Variants in ZNF710 observed in about 807,000 individuals in gnomAD.
ZNF710 encodes zinc finger protein 710.
Under a neutral mutation model 50.6 loss-of-function variants are expected in ZNF710, and 13 were observed. The observed-to-expected ratio is 0.26, with a 90% CI of 0.17 to 0.41. ZNF710 has a LOEUF of 0.41. Ranked by LOEUF, ZNF710 falls within the 10% of genes least tolerant of loss-of-function variation. The probability of loss-of-function intolerance (pLI) is 1.00; values close to 1 mark genes in which losing one functional copy is unlikely to be tolerated. For synonymous variants in ZNF710, 383 were observed against 397.0 expected, an observed-to-expected ratio of 0.96 and a Z score of 0.42; for missense variants, 721 against 936.6, an observed-to-expected ratio of 0.77 and a Z score of 3.01.
Position 90,013,911 on chromosome 15 carries a change from C to T in ZNF710, c.-29+12297C>T, listed in dbSNP as rs112271171. Among the ~76,000 whole-genome samples, 18 of 152,268 alleles carry T rather than the reference C, an allele frequency of 1.2e-4. No individual in the cohort carries two copies. In the South Asian group the frequency reaches 1.4e-3, roughly 12 times the overall value. On this transcript the variant is annotated intron_variant, in intron 1 of 4. Coordinates refer to ENST00000268154, the MANE Select transcript of ZNF710 (RefSeq NM_198526.4). ...CTATTAGTCTGTGAGTGTACACGTT[C>T]GGACCCCACACTGGATTCTGAGCTT...
chr15:90,045,936 C>T (rs749812701), intron 1 of ZNF710, among the ~76,000 whole-genome samples: 5 of 152,122 alleles, frequency 3.3e-5, no homozygotes, highest in Admixed American at 6.5e-5. Context: ...CGTCGGGCAG[C>T]GGGCCTGGAA....
In ZNF710 at chr15:90,067,799, C is replaced by T; in HGVS notation, c.662C>T (p.Pro221Leu). 6.3e-7 allele frequency: 1 copy of T among 1,580,844 alleles called. No individual in the cohort carries two copies. Among genetic ancestry groups the T allele is most frequent in the Non-Finnish European group, 8.6e-7 (1 of 1,163,876 alleles). ...CCCACAGAGTGTGGGTTCGAGCCAC[C>T]CCACCTGGCCCCCCTGAGTGACCCC... Reference protein sequence around the residue: ...ALPTECGFEPPHLAPLSDPEA... With the variant: ...ALPTECGFEPLHLAPLSDPEA... Residue 221 changes from proline (P) to leucine (L), a missense_variant, in exon 2 of 5, where the codon CCC (proline) becomes CTC (leucine). Pro to Leu is a moderately conservative substitution (Grantham distance 98, BLOSUM62 -3). Around this residue, in one of 3 missense-constraint regions of ZNF710, gnomAD observed 326 missense variants for 347.1 expected, o/e 0.94. Coordinates refer to ENST00000268154, the MANE Select transcript of ZNF710 (RefSeq NM_198526.4). The surrounding 1 kb of genome is among the most constrained non-coding windows in gnomAD (Gnocchi z 8.1).
rs1307405328 is a variant in ZNF710, at chr15:90,030,343, A to AAAAG, written c.-29+28732_-29+28733insGAAA. 1.0e-3 allele frequency among the ~76,000 whole-genome samples: 150 copies of AAAAG among 150,626 alleles called. 1 individual carries two copies. Among genetic ancestry groups the AAAAG allele is most frequent in the Middle Eastern group, 3.4e-3 (1 of 292 alleles). On this transcript the variant is annotated intron_variant, in intron 1 of 4. Coordinates refer to ENST00000268154, the MANE Select transcript of ZNF710 (RefSeq NM_198526.4). ...AAACTCCATCTCAAAAAAAAAAAAA[A>AAAAG]AAAAAAAAAAGAAAGAATTAGCTAT...
chr15:90,062,169 C>G lies in ZNF710; in HGVS notation c.-28-4941C>G, dbSNP rs923317910. Among the ~76,000 whole-genome samples, 1 of 150,044 alleles carries G rather than the reference C, an allele frequency of 6.7e-6. No individual in the cohort carries two copies. Among genetic ancestry groups the G allele is most frequent in the Non-Finnish European group, 1.5e-5 (1 of 67,432 alleles). On this transcript the variant is annotated intron_variant, in intron 1 of 4. Transcript: ENST00000268154. The surrounding 1 kb of genome is among the most constrained non-coding windows in gnomAD (Gnocchi z 5.6). ...TCTCTCCCTCCCCCTCACTCAGGCT[C>G]CTCCTCTGCCCCCCCTTCCCTGTCT...
At position 90,079,736 on chromosome 15, in the gene ZNF710, C is replaced by A; in HGVS notation, c.1902C>A (p.Asn634Lys). ...GQQEMEDFEE[N>K]AYSYASVDSS... ...AGGAGATGGAGGACTTCGAGGAGAA[C>A]GCCTACAGCTATGCGAGCGTGGACA... Residue 634 changes from asparagine to lysine, a missense_variant, in exon 5 of 5, where the codon AAC becomes AAA. Asn to Lys is a moderately conservative substitution (Grantham distance 94). Coordinates refer to ENST00000268154, the MANE Select transcript of ZNF710 (RefSeq NM_198526.4). 6.2e-7 allele frequency: 1 copy of A among 1,613,864 alleles called. No individual in the cohort carries two copies. The highest frequency in any genetic ancestry group is 8.5e-7 in the Non-Finnish European group (1 of 1,179,906).
In ZNF710 at chr15:90,068,576, A is replaced by T; in HGVS notation, c.1439A>T (p.Gln480Leu). ...MEFSQIHHLK[Q>L]HSLTHKGVKE... is the part of the protein sequence containing the mutation. ...TTCAGCCAGATTCACCACCTCAAGCAGCACTCCCTCACCCACAAGGTAAGG... is the reference window on the plus strand; with the variant it reads ...TTCAGCCAGATTCACCACCTCAAGCTGCACTCCCTCACCCACAAGGTAAGG... Residue 480 changes from glutamine (Q) to leucine (L), a missense_variant, in exon 2 of 5, where the codon CAG (glutamine) becomes CTG (leucine). Gln to Leu is a moderately radical substitution (Grantham distance 113, BLOSUM62 -2). Around this residue, in one of 3 missense-constraint regions of ZNF710, gnomAD observed 326 missense variants for 522.0 expected, o/e 0.62. Transcript: ENST00000268154. This position sits in a 1 kb window ranked among gnomAD's most constrained non-coding sequence, Gnocchi z 5.0. 1.2e-6 allele frequency: 2 copies of T among 1,602,552 alleles called. No individual in the cohort carries two copies.
intron 1 of ZNF710, among the ~76,000 whole-genome samples, chr15:90,047,485 T>C (rs1178139821): frequency 6.6e-6 from 1 of 152,186 alleles, no homozygotes; most frequent in East Asian, 1.9e-4. Context: ...GGTGGGGTTT[T>C]TTAAAGTCCA....
intron 1 of ZNF710, among the ~76,000 whole-genome samples, chr15:90,047,735 C>T (rs1366540725): frequency 6.6e-6 from 1 of 151,898 alleles, no homozygotes; most frequent in Non-Finnish European, 1.5e-5. Context: ...AGGCATGCAC[C>T]ACCGCACCGG....
chr15:90,010,398 C>T (rs1898265805), intron 1 of ZNF710, among the ~76,000 whole-genome samples: 1 of 152,170 alleles, frequency 6.6e-6, no homozygotes, highest in Non-Finnish European at 1.5e-5. Flanking sequence ...AAGTGATCCT[C>T]CCACCTCCGC....
At chr15:90,018,622 G>A (rs1487078614) in intron 1 of ZNF710, among the ~76,000 whole-genome samples, 2 of 152,176 alleles carry the variant, frequency 1.3e-5, no homozygotes, top group African/African-American at 2.4e-5. Context: ...CAGAGGTCAT[G>A]TCTGCTTTGC....
intron 1 of ZNF710, among the ~76,000 whole-genome samples, chr15:90,061,907 A>C (rs1326598084): frequency 1.3e-5 from 2 of 152,126 alleles, no homozygotes; most frequent in African/African-American, 4.8e-5. Context: ...GCCGTAGGTG[A>C]AGTCACAGTT....
At position 90,052,970 on chromosome 15, in the gene ZNF710, G is replaced by A. The variant is rs138990000; in HGVS notation, c.-28-14140G>A. ...TTATTAAAATAAAATAAAATAAAAT[G>A]TCTATCTCCCTGGGACAGCCTGTCC... On this transcript the variant is annotated intron_variant, in intron 1 of 4. Coordinates refer to ENST00000268154, the MANE Select transcript of ZNF710 (RefSeq NM_198526.4). 7.9e-3 allele frequency among the ~76,000 whole-genome samples: 1,199 copies of A among 151,230 alleles called. 5 individuals are homozygous for A. Among genetic ancestry groups the A allele is most frequent in the South Asian group, 0.023 (109 of 4,794 alleles).
intron 1 of ZNF710, among the ~76,000 whole-genome samples, chr15:90,055,277 T>A (rs7179460): frequency 0.48 from 72,472 of 152,062 alleles, 21,363 homozygotes; most frequent in African/African-American, 0.81. Flanking sequence ...TGAGGAAGTG[T>A]TACCTGGGCT....
chr15:90,016,408 C>G (rs773299941), intron 1 of ZNF710, among the ~76,000 whole-genome samples: 1 of 152,080 alleles, frequency 6.6e-6, no homozygotes, highest in Non-Finnish European at 1.5e-5. Context: ...AGCCATTGGA[C>G]TCATCTCTGT....
chr15:90,017,220 T>C (rs1354197626), intron 1 of ZNF710, among the ~76,000 whole-genome samples: 1 of 152,228 alleles, frequency 6.6e-6, no homozygotes, highest in Non-Finnish European at 1.5e-5. Flanking sequence ...GGATAGCATG[T>C]CTTTAATTAA....
intron 1 of ZNF710, among the ~76,000 whole-genome samples, chr15:90,002,724 G>A (rs1437113440): frequency 6.6e-6 from 1 of 152,228 alleles, no homozygotes. Flanking sequence ...TATGGGCGCT[G>A]CAACTGCTTC....
intron 2 of ZNF710, among the ~76,000 whole-genome samples, chr15:90,070,466 GT>G (rs1224563015): frequency 6.6e-6 from 1 of 151,818 alleles, no homozygotes; most frequent in East Asian, 1.9e-4. Flanking sequence ...GAGCCCAGGA[GT>G]TTGAGACCAG....
chr15:90,022,784 A>G (rs987257990), intron 1 of ZNF710, among the ~76,000 whole-genome samples: 3 of 152,226 alleles, frequency 2.0e-5, no homozygotes, highest in African/African-American at 7.2e-5. Flanking sequence ...TATAATTTAC[A>G]AAAGTACATT....
At position 90,034,191 on chromosome 15, in the gene ZNF710, C is replaced by CT. The variant is rs1899034639; in HGVS notation, c.-29+32578dup. The stretch of plus-strand genomic sequence containing the variant: ...CCAGCCTGGGTGACAGAGTGAGACT[C>CT]TGTCTCAAAAAAAAAGAAAAGAAAA... On this transcript the variant is annotated intron_variant, in intron 1 of 4. Transcript: ENST00000268154. The surrounding 1 kb of genome is among the most constrained non-coding windows in gnomAD (Gnocchi z 4.0). Among the ~76,000 whole-genome samples the CT allele has an allele frequency of 6.7e-6, 1 of 148,470 alleles. No homozygotes were observed. The highest frequency in any genetic ancestry group is 1.5e-5 in the Non-Finnish European group (1 of 67,870).
Sources: allele counts gnomAD v4.1 joint callset (sites outside exome capture counted in the v4.1 genomes callset), GRCh38; gene constraint gnomAD v4.1.1; regional missense constraint gnomAD v4.1.1; non-coding constraint Gnocchi (gnomAD v3.1); transcripts MANE v1.5; gene names NCBI Gene and HGNC (gene_info 2026-07-23, HGNC 2026-07-21).